The following WDR59 variants were observed in gnomAD, a reference collection of about 807,000 sequenced individuals.
WDR59 encodes the protein GATOR2 complex protein WDR59.
A neutral mutation model predicts 131.2 loss-of-function variants in WDR59; 100 were observed. The ratio of observed to expected loss-of-function variants is 0.76; its 90% CI spans 0.65 to 0.90. The LOEUF (loss-of-function observed/expected upper bound fraction) is 0.90. Ranked by LOEUF, WDR59 falls within the 40% of genes least tolerant of loss-of-function variation. The pLI, the probability that WDR59 is intolerant of heterozygous loss-of-function variation, is 0.00. For synonymous variants in WDR59, 601 were observed against 466.2 expected (o/e 1.29, Z -3.72); for missense variants, 1,203 against 1,262.2 (o/e 0.95, Z 0.71).
chr16:74,952,372 G>A (rs972038036), intron 3 of WDR59, among the ~76,000 whole-genome samples: 2 of 149,584 alleles, frequency 1.3e-5, no homozygotes, highest in South Asian at 4.2e-4. Flanking sequence ...AGCCTGGGAG[G>A]TCGAGGCAAT....
intron 1 of WDR59, among the ~76,000 whole-genome samples, chr16:74,982,613 CA>C (rs2034471170): frequency 6.6e-6 from 1 of 152,190 alleles, no homozygotes; most frequent in African/African-American, 2.4e-5. Flanking sequence ...AGGCATGATA[CA>C]TGATTCTATT....
chr16:74,899,989 A>G (rs1965472088), intron 18 of WDR59, among the ~76,000 whole-genome samples: 1 of 152,058 alleles, frequency 6.6e-6, no homozygotes, highest in Non-Finnish European at 1.5e-5. Flanking sequence ...CTTCAATTTC[A>G]TTGTTCTTTT....
chr16:74,983,707 G>A (rs2034514211), intron 1 of WDR59, among the ~76,000 whole-genome samples: 1 of 152,018 alleles, frequency 6.6e-6, no homozygotes, highest in African/African-American at 2.4e-5. Context: ...TGTGCTCAGT[G>A]AATCACACCT....
Position 74,923,792 on chromosome 16 carries a change from T to G in WDR59, c.729+134A>C, listed in dbSNP as rs570967511. ...AGCATTTAAGCTATCATTATCACGT[T>G]TGTCCCACCACTAAACCAACAGAGA... On this transcript the variant is annotated intron_variant, in intron 9 of 25. Transcript: ENST00000262144. The G allele has an allele frequency of 2.5e-5, 20 of 800,224 alleles. No homozygotes were observed. The South Asian group carries it at 3.1e-4, about 13-fold the overall frequency. 49.6% of individuals were successfully genotyped at this position (800,224 alleles called of 1,614,324 possible). A position where few individuals can be genotyped will look rare whatever the true frequency, so the allele number is the denominator to read the frequency against.
chr16:74,954,601 A>G (rs2033188812), intron 3 of WDR59, among the ~76,000 whole-genome samples: 1 of 152,196 alleles, frequency 6.6e-6, no homozygotes, highest in South Asian at 2.1e-4. Flanking sequence ...TCCCTCCAAA[A>G]GTTAAACACA....
chr16:74,874,792 T>C (rs555000103), intron 25 of WDR59, among the ~76,000 whole-genome samples: 73 of 152,322 alleles, frequency 4.8e-4, no homozygotes, highest in African/African-American at 1.7e-3. Flanking sequence ...GGTTTCGCCA[T>C]GTTGGCCAGG....
intron 8 of WDR59, among the ~76,000 whole-genome samples, chr16:74,924,793 CT>C (rs1386991232): frequency 1.3e-5 from 2 of 152,026 alleles, no homozygotes; most frequent in Non-Finnish European, 2.9e-5. Context: ...ATGGCAATTT[CT>C]TTTTTTAATA....
intron 1 of WDR59, among the ~76,000 whole-genome samples, chr16:74,969,656 G>A (rs889613670): frequency 1.3e-5 from 2 of 151,684 alleles, no homozygotes; most frequent in Non-Finnish European, 2.9e-5. Flanking sequence ...TGCCACCTCT[G>A]CCTCCCGCGT....
chr16:74,984,732 A>C (rs1597836762), intron 1 of WDR59: 1 of 584,156 alleles, frequency 1.7e-6, no homozygotes, highest in South Asian at 2.0e-5. Flanking sequence ...GGCGGACCCC[A>C]CTCCCCTACC....
At chr16:74,940,477 A>G (rs1469790289) in intron 7 of WDR59, among the ~76,000 whole-genome samples, 2 of 152,128 alleles carry the variant, frequency 1.3e-5, no homozygotes, top group African/African-American at 4.8e-5. Context: ...AAAACTCTTA[A>G]AAGAAGGCCT....
At chr16:74,929,317 C>T (rs1261283255) in intron 8 of WDR59, among the ~76,000 whole-genome samples, 1 of 152,176 alleles carries the variant, frequency 6.6e-6, no homozygotes, top group South Asian at 2.1e-4. Context: ...CCTCGTGATC[C>T]ACCTGCCTCG....
At chr16:74,874,711 C>G (rs1330026990) in intron 25 of WDR59, among the ~76,000 whole-genome samples, 1 of 152,172 alleles carries the variant, frequency 6.6e-6, no homozygotes, top group East Asian at 1.9e-4. Context: ...CCTGCCTCAG[C>G]CTCCCGAGTA....
At chr16:74,876,942 T>C (rs1964243621) in intron 25 of WDR59, among the ~76,000 whole-genome samples, 1 of 152,044 alleles carries the variant, frequency 6.6e-6, no homozygotes, top group African/African-American at 2.4e-5. Flanking sequence ...CCACTAATCG[T>C]GCCGGTCGCT....
Position 74,888,205 on chromosome 16 carries a change from G to A in WDR59, c.2310C>T (p.Asn770=). The A allele has an allele frequency of 6.2e-7, 1 of 1,613,760 alleles. No individual in the cohort carries two copies. Among genetic ancestry groups the A allele is most frequent in the Non-Finnish European group, 8.5e-7 (1 of 1,179,916 alleles). ...GLPNPFGPFP[N]RSSNLVVSHS... is the part of the protein sequence containing the mutation. ...GGGACACCACAAGATTAGAAGAACG[G>A]TTAGGAAAAGGCCCAAAGGGGTTTG... is the stretch of plus-strand genomic sequence containing the variant. The change falls in exon 22 of 26, where the codon AAC becomes AAT. Residue 770 remains asparagine (N), a synonymous_variant. Transcript: ENST00000262144.
intron 1 of WDR59, among the ~76,000 whole-genome samples, chr16:74,983,108 C>G (rs1382156682): frequency 6.6e-6 from 1 of 152,076 alleles, no homozygotes; most frequent in Non-Finnish European, 1.5e-5. Flanking sequence ...TTTGGGAGGC[C>G]AAAGTGGGAG....
chr16:74,924,096 C>T, intron 8 of WDR59, 93 bp from the exon 9 acceptor site: 1 of 1,240,732 alleles, frequency 8.1e-7, no homozygotes, highest in Non-Finnish European at 1.2e-6. Flanking sequence ...TGCTTCTGGT[C>T]CTCTAAAGAT....
chr16:74,946,537 C>G (rs1305944574), intron 6 of WDR59, among the ~76,000 whole-genome samples: 2 of 152,008 alleles, frequency 1.3e-5, no homozygotes, highest in Non-Finnish European at 2.9e-5. Context: ...GCCTGGCCAA[C>G]AAGGTAAAAC....
chr16:74,955,381 G>C (rs888513487), intron 3 of WDR59, among the ~76,000 whole-genome samples: 3 of 152,160 alleles, frequency 2.0e-5, no homozygotes, highest in African/African-American at 4.8e-5. Context: ...GACCTAACAA[G>C]CCAGTAGTGC....
At chr16:74,968,087 C>A (rs2033845058) in intron 1 of WDR59, among the ~76,000 whole-genome samples, 1 of 152,150 alleles carries the variant, frequency 6.6e-6, no homozygotes. Flanking sequence ...AGCAGATGAA[C>A]TCATAGAAAC....
Sources: allele counts gnomAD v4.1 joint callset (sites outside exome capture counted in the v4.1 genomes callset), GRCh38; gene constraint gnomAD v4.1.1; transcripts MANE v1.5; gene names NCBI Gene and HGNC (gene_info 2026-07-23, HGNC 2026-07-21).